ROBO2: variants seen among roughly 807,000 people sequenced by gnomAD.
ROBO2 encodes the protein roundabout homolog 2.
Under a neutral mutation model 160.8 loss-of-function variants are expected in ROBO2, and 53 were observed. That is an observed-to-expected ratio of 0.33 (90% CI 0.26 to 0.41). ROBO2 has a LOEUF of 0.41. Among genes scored for constraint, ROBO2 ranks in the 10% least tolerant of loss-of-function variants. The pLI is 1.00. For missense variants in ROBO2, 1,577 were observed against 1,722.4 expected, an observed-to-expected ratio of 0.92 and a Z score of 1.49; for synonymous variants, 664 against 611.7, an observed-to-expected ratio of 1.09 and a Z score of -1.26.
At chr3:76,183,775 A>T (rs918364506) in intron 2 of ROBO2, among the ~76,000 whole-genome samples, 2 of 152,152 alleles carry the variant, frequency 1.3e-5, no homozygotes, top group African/African-American at 4.8e-5. Flanking sequence ...AAGTTGAATT[A>T]TAAAAAATAA....
Position 77,200,265 on chromosome 3 carries a change from TTTTATA to T in ROBO2, c.388+101927_388+101932del, listed in dbSNP as rs1341263744. ...GTGTATGTATATCCTAACTAACATA[TTTTATA>T]TATATATATATATATATATATATAT... On this transcript the variant is annotated intron_variant, in intron 2 of 25. Transcript: ENST00000461745. Among the ~76,000 whole-genome samples the T allele has an allele frequency of 3.6e-3, 212 of 59,036 alleles. 5 individuals are homozygous for T. Among genetic ancestry groups the T allele is most frequent in the South Asian group, 0.018 (29 of 1,568 alleles). 38.7% of individuals were successfully genotyped at this position (59,036 alleles called of 152,430 possible).
At chr3:77,537,099 T>TGGGGGG (rs63352561) in intron 6 of ROBO2, among the ~76,000 whole-genome samples, 3 of 127,724 alleles carry the variant, frequency 2.3e-5, no homozygotes, top group Non-Finnish European at 4.9e-5. Context: ...ACATATTTTG[T>TGGGGGG]GGGGGGGGGG....
chr3:76,885,742 T>C (rs1369158281), intron 2 of ROBO2, among the ~76,000 whole-genome samples: 3 of 152,198 alleles, frequency 2.0e-5, no homozygotes, highest in Non-Finnish European at 4.4e-5. Context: ...AGAATCTCTC[T>C]CTGGGGCCCT....
chr3:77,225,272 A>G (rs2086336921), intron 2 of ROBO2, among the ~76,000 whole-genome samples: 1 of 151,946 alleles, frequency 6.6e-6, no homozygotes, highest in Admixed American at 6.6e-5. Context: ...TGGAATTACT[A>G]TGCTCATGTT....
At chr3:76,782,529 T>C (rs1316773347) in intron 2 of ROBO2, among the ~76,000 whole-genome samples, 1 of 150,858 alleles carries the variant, frequency 6.6e-6, no homozygotes, top group African/African-American at 2.4e-5. Flanking sequence ...TCAGTTCTGA[T>C]AATATTTACT....
At chr3:76,793,706 G>A (rs534540399) in intron 2 of ROBO2, among the ~76,000 whole-genome samples, 1 of 151,644 alleles carries the variant, frequency 6.6e-6, no homozygotes, top group Non-Finnish European at 1.5e-5. Context: ...CCATTAACTC[G>A]TCATAATAGT....
intron 1 of ROBO2, among the ~76,000 whole-genome samples, chr3:77,054,084 G>A (rs2065477717): frequency 3.3e-5 from 5 of 152,230 alleles, no homozygotes; most frequent in Admixed American, 1.3e-4. Flanking sequence ...TAGAAACAAG[G>A]TTAGTACAAA....
At chr3:76,571,634 CTAA>C (rs986768723) in intron 2 of ROBO2, among the ~76,000 whole-genome samples, 7 of 152,054 alleles carry the variant, frequency 4.6e-5, no homozygotes, top group African/African-American at 9.7e-5. Flanking sequence ...ACATATTTCT[CTAA>C]TGAGTCCCAA....
In ROBO2 at chr3:76,538,502, A is replaced by G. The variant is rs1249807614; in HGVS notation, c.110-559512A>G. Among the ~76,000 whole-genome samples the G allele has an allele frequency of 2.0e-5, 3 of 152,170 alleles. No homozygotes were observed. The East Asian group carries it at 5.8e-4, about 29-fold the overall frequency. On this transcript the variant is annotated intron_variant, in intron 2 of 26. Coordinates refer to the ROBO2 transcript ENST00000487694. ...TATTTACATCACGTACCATTGTTTA[A>G]CTGCTGTTGCTATCTTCTAAAGTAG... is the stretch of plus-strand genomic sequence containing the variant.
At chr3:75,936,584 A>G (rs989650913) in intron 1 of ROBO2, among the ~76,000 whole-genome samples, 10 of 152,104 alleles carry the variant, frequency 6.6e-5, no homozygotes, top group African/African-American at 2.4e-4. Context: ...AGTTTTAACT[A>G]TTGTACATGT....
intron 2 of ROBO2, among the ~76,000 whole-genome samples, chr3:76,119,914 C>CTCCT: frequency 1.0e-5 from 1 of 95,484 alleles, no homozygotes; most frequent in South Asian, 5.1e-4. Flanking sequence ...CCTTCCCTCC[C>CTCCT]TCCCTTCCTT....
intron 2 of ROBO2, among the ~76,000 whole-genome samples, chr3:76,967,383 C>T (rs1011714745): frequency 6.6e-6 from 1 of 151,652 alleles, no homozygotes; most frequent in Non-Finnish European, 1.5e-5. Context: ...TTTTTGTATT[C>T]TTGGTAGAGA....
chr3:76,595,370 T>C (rs866355038), intron 2 of ROBO2, among the ~76,000 whole-genome samples: 3 of 152,186 alleles, frequency 2.0e-5, no homozygotes, highest in Middle Eastern at 3.4e-3. Flanking sequence ...ATATATTATG[T>C]ATTTTGTTAC....
chr3:75,977,313 G>GA (rs1451714232), intron 2 of ROBO2, among the ~76,000 whole-genome samples: 1 of 151,256 alleles, frequency 6.6e-6, no homozygotes, highest in East Asian at 2.0e-4. Flanking sequence ...AAGTAAAGTT[G>GA]AAAAAAATAT....
chr3:76,242,901 A>G (rs950991243), intron 2 of ROBO2, among the ~76,000 whole-genome samples: 13 of 150,044 alleles, frequency 8.7e-5, no homozygotes, highest in African/African-American at 2.9e-4. Context: ...CAACAACAAC[A>G]AAACAACAAC....
chr3:76,349,097 C>A (rs559226486), intron 2 of ROBO2, among the ~76,000 whole-genome samples: 1 of 152,120 alleles, frequency 6.6e-6, no homozygotes, highest in Non-Finnish European at 1.5e-5. Context: ...AGGGGCAGAG[C>A]AAGGATTTAA....
intron 2 of ROBO2, among the ~76,000 whole-genome samples, chr3:77,009,302 T>C (rs550179892): frequency 1.5e-4 from 23 of 152,344 alleles, no homozygotes; most frequent in Admixed American, 5.9e-4. Flanking sequence ...GGTTTGCAGT[T>C]AACTTTTCCC....
chr3:76,202,564 C>T (rs1310177743), intron 2 of ROBO2, among the ~76,000 whole-genome samples: 1 of 152,156 alleles, frequency 6.6e-6, no homozygotes, highest in Non-Finnish European at 1.5e-5. Flanking sequence ...TAGGTGCAGA[C>T]AGACTGGAAG....
intron 2 of ROBO2, among the ~76,000 whole-genome samples, chr3:77,453,846 CA>C (rs1335189185): frequency 1.3e-5 from 2 of 152,050 alleles, no homozygotes; most frequent in African/African-American, 4.8e-5. Context: ...CTGCCAAAAT[CA>C]AAACCAAATA....
Sources: allele counts gnomAD v4.1 joint callset (sites outside exome capture counted in the v4.1 genomes callset), GRCh38; gene constraint gnomAD v4.1.1; transcripts MANE v1.5; gene names NCBI Gene and HGNC (gene_info 2026-07-23, HGNC 2026-07-21).